ZNF407: variants seen among roughly 807,000 people sequenced by gnomAD.
ZNF407 encodes zinc finger protein 407.
Under a neutral mutation model 131.2 loss-of-function variants are expected in ZNF407, and 17 were observed. The observed-to-expected ratio is 0.13, with a 90% CI of 0.09 to 0.19. The LOEUF (loss-of-function observed/expected upper bound fraction) is 0.19. ZNF407 is among the 10% of genes least tolerant of loss of function. The pLI, the probability that ZNF407 is intolerant of heterozygous loss-of-function variation, is 1.00. For synonymous variants in ZNF407, 1,156 were observed against 1,062.0 expected (o/e 1.09, Z -1.72); for missense variants, 2,681 against 2,830.6 (o/e 0.95, Z 1.20).
At chr18:74,974,404 A>G (rs1463358716) in intron 8 of ZNF407, among the ~76,000 whole-genome samples, 2 of 152,228 alleles carry the variant, frequency 1.3e-5, no homozygotes, top group Middle Eastern at 3.2e-3. Context: ...AGGATCTTCA[A>G]ATAATGGCAT....
intron 3 of ZNF407, among the ~76,000 whole-genome samples, chr18:74,672,742 G>C (rs1986203190): frequency 6.6e-6 from 1 of 152,146 alleles, no homozygotes. Context: ...ATGCTGAATA[G>C]CTTTCTTAAA....
intron 4 of ZNF407, among the ~76,000 whole-genome samples, chr18:74,803,545 A>G (rs1357206724): frequency 6.6e-6 from 1 of 151,958 alleles, no homozygotes; most frequent in Non-Finnish European, 1.5e-5. Flanking sequence ...GGAGAGGAAT[A>G]TTTTCTTCCT....
intron 3 of ZNF407, among the ~76,000 whole-genome samples, chr18:74,750,468 A>G (rs1056892690): frequency 1.3e-5 from 2 of 152,146 alleles, no homozygotes; most frequent in Non-Finnish European, 2.9e-5. Flanking sequence ...GTGATTATAC[A>G]ATATGTGGCC....
At chr18:74,850,967 G>C (rs1365570260) in intron 4 of ZNF407, among the ~76,000 whole-genome samples, 1 of 152,160 alleles carries the variant, frequency 6.6e-6, no homozygotes, top group Non-Finnish European at 1.5e-5. Flanking sequence ...AATTCAAACT[G>C]TATATCTGGA....
At chr18:74,886,628 G>A (rs1971313788) in intron 6 of ZNF407, among the ~76,000 whole-genome samples, 1 of 152,236 alleles carries the variant, frequency 6.6e-6, no homozygotes, top group Non-Finnish European at 1.5e-5. Context: ...ATTATGCTGA[G>A]AGAAAGAGTC....
At chr18:74,601,506 A>G (rs1453310402) in intron 1 of ZNF407, among the ~76,000 whole-genome samples, 2 of 152,148 alleles carry the variant, frequency 1.3e-5, no homozygotes, top group Non-Finnish European at 2.9e-5. Context: ...GGTAATATAC[A>G]AAGAAAAGAG....
chr18:74,869,688 G>C (rs1971061047), intron 4 of ZNF407, among the ~76,000 whole-genome samples: 1 of 152,156 alleles, frequency 6.6e-6, no homozygotes, highest in Admixed American at 6.5e-5. Flanking sequence ...CCAGCAATTG[G>C]TAAACTGCAG....
At chr18:74,719,913 C>T (rs1008837041) in intron 3 of ZNF407, among the ~76,000 whole-genome samples, 9 of 152,268 alleles carry the variant, frequency 5.9e-5, no homozygotes, top group African/African-American at 2.2e-4. Context: ...TGTTGTTGGG[C>T]ACCTTTATGT....
chr18:74,934,291 T>C (rs550922095), intron 8 of ZNF407, among the ~76,000 whole-genome samples: 33 of 152,378 alleles, frequency 2.2e-4, no homozygotes, highest in South Asian at 2.1e-3. Flanking sequence ...GTATGGAATA[T>C]AAATTTTATT....
chr18:74,878,810 A>G (rs1971196156), intron 5 of ZNF407, among the ~76,000 whole-genome samples: 2 of 150,974 alleles, frequency 1.3e-5, no homozygotes, highest in Admixed American at 1.3e-4. Flanking sequence ...TTTTACATTT[A>G]GTTTTTTCTT....
chr18:74,849,536 G>A (rs760586630), intron 4 of ZNF407, among the ~76,000 whole-genome samples: 1 of 152,084 alleles, frequency 6.6e-6, no homozygotes, highest in African/African-American at 2.4e-5. Flanking sequence ...GGTGGGGGAC[G>A]GGGAGTTGTC....
At chr18:74,734,671 TTGTGTGTGTG>T (rs200073035) in intron 3 of ZNF407, among the ~76,000 whole-genome samples, 135 of 138,974 alleles carry the variant, frequency 9.7e-4, no homozygotes, top group African/African-American at 3.3e-3. Context: ...GAGTTTCAAT[TTGTGTGTGTG>T]TGTGTGTGTG....
intron 4 of ZNF407, among the ~76,000 whole-genome samples, chr18:74,817,422 T>C (rs1423030222): frequency 1.3e-5 from 2 of 152,228 alleles, no homozygotes; most frequent in Non-Finnish European, 2.9e-5. Flanking sequence ...CATCCCCTTG[T>C]TTGCTTTGTG....
intron 8 of ZNF407, among the ~76,000 whole-genome samples, chr18:75,027,353 C>G (rs1382777309): frequency 6.6e-6 from 1 of 152,094 alleles, no homozygotes; most frequent in Non-Finnish European, 1.5e-5. Context: ...AAGAATTTAC[C>G]CTTTTCTCCT....
intron 4 of ZNF407, among the ~76,000 whole-genome samples, chr18:74,863,334 A>G (rs1029214548): frequency 2.6e-5 from 4 of 151,882 alleles, no homozygotes; most frequent in African/African-American, 7.3e-5. Context: ...AATAAATATC[A>G]GTAATTAATA....
At chr18:74,914,536 A>T (rs1301431175) in intron 7 of ZNF407, among the ~76,000 whole-genome samples, 1 of 152,144 alleles carries the variant, frequency 6.6e-6, no homozygotes, top group East Asian at 1.9e-4. Context: ...TTTTGTGTTT[A>T]TGTGCGCTTA....
chr18:74,833,409 G>A (rs1254252943), intron 4 of ZNF407, among the ~76,000 whole-genome samples: 1 of 152,244 alleles, frequency 6.6e-6, no homozygotes, highest in Non-Finnish European at 1.5e-5. Context: ...ACATGGTGCT[G>A]GAGGTGACAC....
intron 3 of ZNF407, among the ~76,000 whole-genome samples, chr18:74,744,230 C>T (rs1968615281): frequency 1.3e-5 from 2 of 152,148 alleles, no homozygotes; most frequent in Non-Finnish European, 2.9e-5. Context: ...ACAAGTGGGG[C>T]ACCTCCCCAA....
intron 4 of ZNF407, among the ~76,000 whole-genome samples, chr18:74,801,650 T>A (rs1360771111): frequency 6.6e-6 from 1 of 152,246 alleles, no homozygotes; most frequent in Non-Finnish European, 1.5e-5. Flanking sequence ...CACCCGCAGA[T>A]GCATGTCGAG....
Sources: allele counts gnomAD v4.1 joint callset (sites outside exome capture counted in the v4.1 genomes callset), GRCh38; gene constraint gnomAD v4.1.1; transcripts MANE v1.5; gene names NCBI Gene and HGNC (gene_info 2026-07-23, HGNC 2026-07-21).